RNF8: variants seen among roughly 807,000 people sequenced by gnomAD.
RNF8 encodes ring finger protein 8.
In RNF8, 8 loss-of-function variants were observed where a neutral mutation model predicts 59.3. That is an observed-to-expected ratio of 0.13 (90% CI 0.08 to 0.24). The LOEUF is 0.24. Ranked by LOEUF, RNF8 falls within the 10% of genes least tolerant of loss-of-function variation. The probability of loss-of-function intolerance (pLI) is 1.00; values close to 1 mark genes in which losing one functional copy is unlikely to be tolerated. For synonymous variants in RNF8, 162 were observed against 200.0 expected (o/e 0.81, Z 1.60); for missense variants, 406 against 572.6 (o/e 0.71, Z 2.97).
chr6:37,372,829 C>T (rs1182331357), intron 4 of RNF8, among the ~76,000 whole-genome samples: 1 of 152,106 alleles, frequency 6.6e-6, no homozygotes, highest in Non-Finnish European at 1.5e-5. Flanking sequence ...ATTAGCCGGG[C>T]GTGGTGGCGC....
rs1316870372 is a variant in RNF8, at chr6:37,392,290, A to T, written c.*1532A>T. The T allele has an allele frequency of 2.5e-6, 1 of 396,746 alleles. No individual in the cohort carries two copies. Among genetic ancestry groups the T allele is most frequent in the African/African-American group, 2.1e-5 (1 of 48,604 alleles). 24.6% of individuals were successfully genotyped at this position (396,746 alleles called of 1,614,324 possible). ...TTTTGTTTATAGATTGCATGGGTATATGTCAATTTTTATATGTTCTGTGTT... is the reference window on the plus strand; with the variant it reads ...TTTTGTTTATAGATTGCATGGGTATTTGTCAATTTTTATATGTTCTGTGTT... On this transcript the variant is annotated 3_prime_UTR_variant, in exon 8 of 8. Coordinates refer to ENST00000373479, the MANE Select transcript of RNF8 (RefSeq NM_003958.4).
intron 7 of RNF8, among the ~76,000 whole-genome samples, chr6:37,385,443 A>C (rs1469455720): frequency 1.3e-5 from 2 of 151,654 alleles, no homozygotes; most frequent in Admixed American, 1.3e-4. Flanking sequence ...CCTGACCAAC[A>C]TGGTGAAACC....
chr6:37,393,922 C>T lies in RNF8; in HGVS notation c.*3164C>T, dbSNP rs1770793077. On this transcript the variant is annotated 3_prime_UTR_variant, in exon 8 of 8. Coordinates refer to ENST00000373479, the MANE Select transcript of RNF8 (RefSeq NM_003958.4). ...GCTGGAGTGTCTGGGATTGGTAGCT[C>T]TCTCCAACTGCCTGCTTGCTCTTTA... 1 of 152,258 alleles carries T rather than the reference C, an allele frequency of 6.6e-6. No homozygotes were observed. The highest frequency in any genetic ancestry group is 1.5e-5 in the Non-Finnish European group (1 of 68,094). 9.4% of individuals were successfully genotyped at this position (152,258 alleles called of 1,614,324 possible).
intron 1 of RNF8, chr6:37,359,140 TGTGATCTGGAACTCA>T (rs1162265896): frequency 4.7e-6 from 2 of 426,768 alleles, no homozygotes; most frequent in East Asian, 1.4e-4. Flanking sequence ...AAGGGAATTC[TGTGATCTGGAACTCA>T]GAAGAATTTC....
intron 2 of RNF8, among the ~76,000 whole-genome samples, chr6:37,364,728 C>T (rs1581671072): frequency 6.6e-6 from 1 of 152,148 alleles, no homozygotes. Context: ...AGCTTATGTT[C>T]TCGCAGAAAC....
At chr6:37,367,550 C>T (rs1448354968) in intron 2 of RNF8, among the ~76,000 whole-genome samples, 1 of 152,040 alleles carries the variant, frequency 6.6e-6, no homozygotes, top group Non-Finnish European at 1.5e-5. Context: ...ATTACAGGCA[C>T]CCACCACCAC....
Position 37,371,991 on chromosome 6 carries a change from T to A in RNF8, c.1038+417T>A, listed in dbSNP as rs142354783. On this transcript the variant is annotated intron_variant, in intron 4 of 7. Transcript: ENST00000373479. ...CAGAAACAATTGGGGAATGTTCCAG[T>A]TAAGCATTTTAGGCCAGGTTGAGAA... Among the ~76,000 whole-genome samples, 266 of 152,322 alleles carry A rather than the reference T, an allele frequency of 1.7e-3. 1 individual carries two copies. The highest frequency in any genetic ancestry group is 3.4e-3 in the Middle Eastern group (1 of 294).
chr6:37,361,886 C>T (rs1679856461), intron 2 of RNF8, among the ~76,000 whole-genome samples: 1 of 152,182 alleles, frequency 6.6e-6, no homozygotes, highest in African/African-American at 2.4e-5. Context: ...TCTACTTTAA[C>T]CCCTTATGTA....
At chr6:37,355,646 A>T (rs965578957) in intron 1 of RNF8, among the ~76,000 whole-genome samples, 1 of 152,196 alleles carries the variant, frequency 6.6e-6, no homozygotes, top group Admixed American at 6.5e-5. Flanking sequence ...TTGCTAGATT[A>T]GGGAGTGTTA....
chr6:37,358,670 G>C (rs759248569), intron 1 of RNF8, among the ~76,000 whole-genome samples: 21 of 152,146 alleles, frequency 1.4e-4, no homozygotes, highest in Non-Finnish European at 2.8e-4. Context: ...TGGTCTTTGA[G>C]GGACTGAGGA....
chr6:37,385,484 G>A (rs954302895), intron 7 of RNF8, among the ~76,000 whole-genome samples: 7 of 151,688 alleles, frequency 4.6e-5, no homozygotes, highest in South Asian at 2.1e-4. Context: ...AAAATTAGCC[G>A]GGCGTGGTGG....
intron 1 of RNF8, among the ~76,000 whole-genome samples, chr6:37,355,344 T>C (rs1769073528): frequency 6.6e-6 from 1 of 152,194 alleles, no homozygotes; most frequent in Non-Finnish European, 1.5e-5. Flanking sequence ...TTGAGTCTCA[T>C]GTGTGTTCAG....
At chr6:37,365,021 G>A (rs1036659770) in intron 2 of RNF8, among the ~76,000 whole-genome samples, 1 of 152,034 alleles carries the variant, frequency 6.6e-6, no homozygotes, top group Non-Finnish European at 1.5e-5. Flanking sequence ...CACCTGCCTC[G>A]GCTTCCCAAA....
At chr6:37,371,349 A>C (rs1055968878) in intron 3 of RNF8, among the ~76,000 whole-genome samples, 163 bp from the exon 4 acceptor site, 1 of 152,168 alleles carries the variant, frequency 6.6e-6, no homozygotes, top group Non-Finnish European at 1.5e-5. Context: ...CAAATTCTTT[A>C]CTGCCAACAG....
At chr6:37,382,476 C>T (rs1283439413) in intron 7 of RNF8, among the ~76,000 whole-genome samples, 1 of 152,140 alleles carries the variant, frequency 6.6e-6, no homozygotes, top group Non-Finnish European at 1.5e-5. Context: ...TAGAAAGTAT[C>T]TACGGAGGCT....
At chr6:37,368,414 G>C in intron 2 of RNF8, 70 bp from the exon 3 acceptor site, 1 of 1,612,850 alleles carries the variant, frequency 6.2e-7, no homozygotes, top group East Asian at 2.2e-5. Flanking sequence ...TTTTACAGCA[G>C]CAGGAGAGAG....
intron 6 of RNF8, among the ~76,000 whole-genome samples, chr6:37,378,906 A>G (rs542865496): frequency 3.9e-5 from 6 of 152,370 alleles, no homozygotes; most frequent in African/African-American, 1.2e-4. Flanking sequence ...GCAGAGACAT[A>G]TAAGACATAA....
At chr6:37,379,587 C>CA (rs1403552589) in intron 6 of RNF8, among the ~76,000 whole-genome samples, 1 of 152,178 alleles carries the variant, frequency 6.6e-6, no homozygotes, top group Non-Finnish European at 1.5e-5. Context: ...AGGGATTACT[C>CA]AGAGGAGCCC....
At position 37,390,913 on chromosome 6, in the gene RNF8, C is replaced by T. The variant is rs1770708117; in HGVS notation, c.*155C>T. 13 of 1,310,654 alleles carry T rather than the reference C, an allele frequency of 9.9e-6. No homozygotes were observed. The highest frequency in any genetic ancestry group is 1.7e-5 in the Admixed American group (1 of 58,470). 81.2% of individuals were successfully genotyped at this position (1,310,654 alleles called of 1,614,324 possible). A position where few individuals can be genotyped will look rare whatever the true frequency, so the allele number is the denominator to read the frequency against. On this transcript the variant is annotated 3_prime_UTR_variant, in exon 8 of 8. Transcript: ENST00000373479. ...AGTTAGGAAGCCCTCAGTCACTTGC[C>T]TTCCACGGTGGCCAGCCCTGCTGCC...
Sources: gnomAD v4.1 joint callset for allele counts (sites outside exome capture counted in the v4.1 genomes callset) on GRCh38, gnomAD v4.1.1 for gene constraint, MANE v1.5 for transcripts, NCBI Gene and HGNC (gene_info 2026-07-23, HGNC 2026-07-21) for gene names.